MITD1: variants seen among roughly 807,000 people sequenced by gnomAD.
MITD1 encodes microtubule interacting and trafficking domain containing 1.
Under a neutral mutation model 34.9 loss-of-function variants are expected in MITD1, and 24 were observed. The observed-to-expected ratio is 0.69, with a 90% CI of 0.50 to 0.97. MITD1 has a LOEUF of 0.97. Among genes scored for constraint, MITD1 ranks in the 50% least tolerant of loss-of-function variants. The probability of loss-of-function intolerance (pLI) is 0.00; values close to 1 mark genes in which losing one functional copy is unlikely to be tolerated. For synonymous variants in MITD1, 102 were observed against 101.4 expected (o/e 1.01, Z -0.04); for missense variants, 266 against 294.6 (o/e 0.90, Z 0.71).
intron 5 of MITD1, 124 bp from the exon 6 acceptor site, chr2:99,169,734 T>G (rs944658556): frequency 7.5e-6 from 5 of 668,768 alleles, no homozygotes; most frequent in African/African-American, 1.8e-5. Flanking sequence ...TCCAGTGGCA[T>G]GAGTTGAATC....
At chr2:99,174,545 C>G (rs960445724) in intron 1 of MITD1, among the ~76,000 whole-genome samples, 1 of 152,100 alleles carries the variant, frequency 6.6e-6, no homozygotes, top group Admixed American at 6.6e-5. Flanking sequence ...TGTTCCTTCC[C>G]TTTTTTCCTT....
At chr2:99,174,237 T>C (rs999904637) in intron 1 of MITD1, among the ~76,000 whole-genome samples, 1 of 152,162 alleles carries the variant, frequency 6.6e-6, no homozygotes, top group Non-Finnish European at 1.5e-5. Context: ...TGGGAGCTCT[T>C]GACACTATGT....
chr2:99,171,256 GC>G lies in MITD1; in HGVS notation c.477+86del. ...TCCCAAGGAAACAAATCTAGCTGAA[GC>G]ACTGCATCTGTGTTCTCCTTGACTG... On this transcript the variant is annotated intron_variant, in intron 4 of 6. Coordinates refer to ENST00000289359, the MANE Select transcript of MITD1 (RefSeq NM_138798.3). The G allele has an allele frequency of 8.8e-6, 8 of 913,982 alleles. No homozygotes were observed. The South Asian group carries it at 1.2e-4, about 13-fold the overall frequency. 56.6% of individuals were successfully genotyped at this position (913,982 alleles called of 1,614,324 possible). A position where few individuals can be genotyped will look rare whatever the true frequency, so the allele number is the denominator to read the frequency against.
At position 99,171,603 on chromosome 2, in the gene MITD1, T is replaced by G. The variant is rs2093858576; in HGVS notation, c.297A>C (p.Thr99=). Residue 99 remains threonine (T), a synonymous_variant, in exon 3 of 7, where the codon ACA becomes ACC. Coordinates refer to ENST00000289359, the MANE Select transcript of MITD1 (RefSeq NM_138798.3). ...HKQIKIEENA[T]GFSYESLFRE... ...GAAAAAGTGACTCATAACTGAAACC[T>G]GTTGCATTCTCTTCTATTTTAATTT... The G allele has an allele frequency of 2.5e-6, 4 of 1,613,480 alleles. No homozygotes were observed. In the East Asian group the frequency reaches 8.9e-5, roughly 36 times the overall value.
chr2:99,180,851 A>C lies in MITD1; in HGVS notation c.131T>G (p.Leu44Arg). 6.2e-7 allele frequency: 1 copy of C among 1,614,134 alleles called. No individual in the cohort carries two copies. The highest frequency in any genetic ancestry group is 8.5e-7 in the Non-Finnish European group (1 of 1,179,990). The change falls in exon 1 of 7, where the codon CTG becomes CGG. Residue 44 changes from leucine (L) to arginine (R), a missense_variant. Coordinates refer to ENST00000289359, the MANE Select transcript of MITD1 (RefSeq NM_138798.3). ...CTCACCTTTCAGAACCTGCAGGAGCAGATCAATCCCCTCTTGGTAACACAC... is the reference window on the plus strand; with the variant it reads ...CTCACCTTTCAGAACCTGCAGGAGCCGATCAATCCCCTCTTGGTAACACAC... Reference protein sequence around the residue: ...ALVCYQEGIDLLLQVLKGTKD... With the variant: ...ALVCYQEGIDRLLQVLKGTKD...
chr2:99,162,021 G>A, exon 8 of MITD1: 1 of 1,613,788 alleles, frequency 6.2e-7, no homozygotes, highest in Non-Finnish European at 8.5e-7. Flanking sequence ...GGTCCCAGCA[G>A]CTGGCTTTAA....
chr2:99,171,793 T>A (rs1369687241), intron 2 of MITD1, 147 bp from the exon 3 acceptor site: 1 of 711,308 alleles, frequency 1.4e-6, no homozygotes, highest in Non-Finnish European at 2.3e-6. Flanking sequence ...CTACTAAATA[T>A]CATATACATT....
At chr2:99,168,605 GC>G (rs1447187338), downstream of MITD1, among the ~76,000 whole-genome samples, 10 of 152,234 alleles carry the variant, frequency 6.6e-5, no homozygotes, top group African/African-American at 2.4e-4. Context: ...AAATGTGCCA[GC>G]CAAAGTGAAT....
chr2:99,176,369 G>A (rs2093886417), intron 1 of MITD1, among the ~76,000 whole-genome samples: 1 of 148,876 alleles, frequency 6.7e-6, no homozygotes, highest in African/African-American at 2.5e-5. Flanking sequence ...GTCTCGCTGT[G>A]TTGCCCAGGC....
At chr2:99,171,903 T>C (rs2093860441) in intron 2 of MITD1, 3 of 404,944 alleles carry the variant, frequency 7.4e-6, no homozygotes, top group Middle Eastern at 7.1e-4. Context: ...AGAGGTTTCC[T>C]GGAACAGGTC....
Position 99,169,571 on chromosome 2 carries a change from A to C in MITD1, c.633T>G (p.Leu211=), listed in dbSNP as rs1319486400. The C allele has an allele frequency of 1.2e-6, 2 of 1,609,612 alleles. No homozygotes were observed. Among genetic ancestry groups the C allele is most frequent in the African/African-American group, 1.3e-5 (1 of 74,836 alleles). Residue 211 remains leucine (L), a synonymous_variant, in exon 6 of 7, where the codon CTT becomes CTG. Transcript: ENST00000289359. ...NGWMIKIGRG[L]DYFKKPQSRF... is the part of the protein sequence containing the mutation. ...CTACCTGTGGTTTCTTAAAATAATC[A>C]AGTCCCCTTCCAATCTTAATCATCC... is the stretch of plus-strand genomic sequence containing the variant.
chr2:99,178,858 T>C (rs1027435226), intron 1 of MITD1, among the ~76,000 whole-genome samples: 9 of 152,322 alleles, frequency 5.9e-5, no homozygotes, highest in African/African-American at 2.2e-4. Context: ...CAAGCCCCTA[T>C]CTACCTTTAA....
At position 99,169,395 on chromosome 2, in the gene MITD1, T is replaced by G. The variant is rs2105212392; in HGVS notation, c.730A>C (p.Lys244Gln). ...HETTVDIFHK[K>Q]HTKNI is the part of the protein sequence containing the mutation. ...ACCCATCATATATTTTTTGTATGCT[T>G]CTTATGAAAAATGTCTACTGTTGTT... The change falls in exon 7 of 7, where the codon AAG (lysine) becomes CAG (glutamine). Residue 244 changes from lysine (K) to glutamine (Q), a missense_variant. By Grantham distance (53) the Lys-to-Gln change is moderately conservative. Transcript: ENST00000289359. The G allele has an allele frequency of 3.1e-6, 5 of 1,593,146 alleles. No homozygotes were observed. Among genetic ancestry groups the G allele is most frequent in the South Asian group, 2.3e-5 (2 of 88,840 alleles).
At chr2:99,176,739 A>T (rs937928399) in intron 1 of MITD1, among the ~76,000 whole-genome samples, 17 of 152,124 alleles carry the variant, frequency 1.1e-4, no homozygotes, top group African/African-American at 3.6e-4. Flanking sequence ...TGTATTTTAC[A>T]TGTAACCCAA....
chr2:99,170,147 C>G (rs376125192), intron 5 of MITD1, among the ~76,000 whole-genome samples: 138 of 152,234 alleles, frequency 9.1e-4, no homozygotes, highest in African/African-American at 3.2e-3. Flanking sequence ...AATTGTCATG[C>G]CTACTAGAAT....
In MITD1 at chr2:99,170,671, C is replaced by T. The variant is rs143506893; in HGVS notation, c.478-19G>A. 2,409 of 1,140,496 alleles carry T rather than the reference C, an allele frequency of 2.1e-3. 7 individuals carry two copies. Among genetic ancestry groups the T allele is most frequent in the Non-Finnish European group, 2.7e-3 (2,033 of 753,326 alleles). 70.6% of individuals were successfully genotyped at this position (1,140,496 alleles called of 1,614,324 possible). A position where few individuals can be genotyped will look rare whatever the true frequency, so the allele number is the denominator to read the frequency against. ...CAATGCCCTGTTAATAGCAAAAATA[C>T]GATTATCTGCCGCAGTTATTATTAC... On this transcript the variant is annotated intron_variant, in intron 4 of 6. Transcript: ENST00000289359.
chr2:99,167,303 G>A (rs182235774), downstream of MITD1, among the ~76,000 whole-genome samples: 13 of 152,248 alleles, frequency 8.5e-5, no homozygotes, highest in Non-Finnish European at 1.9e-4. Context: ...AATACAATTT[G>A]TCTTTCTAGT....
At chr2:99,167,351 T>C (rs1318887997), downstream of MITD1, among the ~76,000 whole-genome samples, 1 of 152,218 alleles carries the variant, frequency 6.6e-6, no homozygotes, top group African/African-American at 2.4e-5. Context: ...ATAAAGCTTA[T>C]AGTTGTTCAT....
chr2:99,162,910 G>T, intron 7 of MITD1: 1 of 1,613,372 alleles, frequency 6.2e-7, no homozygotes, highest in South Asian at 1.1e-5. Context: ...CCTGATCATT[G>T]GTTGCCATTG....
Sources: allele counts gnomAD v4.1 joint callset (sites outside exome capture counted in the v4.1 genomes callset), GRCh38; gene constraint gnomAD v4.1.1; transcripts MANE v1.5; gene names NCBI Gene and HGNC (gene_info 2026-07-23, HGNC 2026-07-21).